MARK1: variants seen among roughly 807,000 people sequenced by gnomAD.
MARK1 encodes serine/threonine-protein kinase MARK1.
Under a neutral mutation model 96.3 loss-of-function variants are expected in MARK1, and 40 were observed. That is an observed-to-expected ratio of 0.42 (90% CI 0.32 to 0.54). The LOEUF (loss-of-function observed/expected upper bound fraction) is 0.54, where lower values mean the gene tolerates loss of function less well. MARK1 is among the 20% of genes least tolerant of loss of function. The pLI is 0.16. For synonymous variants in MARK1, 317 were observed against 341.2 expected (o/e 0.93, Z 0.78); for missense variants, 719 against 984.6 (o/e 0.73, Z 3.61).
chr1:220,556,386 A>G (rs1662246686), intron 1 of MARK1, among the ~76,000 whole-genome samples: 1 of 150,634 alleles, frequency 6.6e-6, no homozygotes. Context: ...AAACTATGAA[A>G]TTAACTTGAA....
At chr1:220,567,286 G>A (rs545281188) in intron 1 of MARK1, among the ~76,000 whole-genome samples, 4 of 152,286 alleles carry the variant, frequency 2.6e-5, no homozygotes, top group African/African-American at 7.2e-5. Flanking sequence ...TTTTATTGCA[G>A]TGAATGTCTG....
intron 3 of MARK1, among the ~76,000 whole-genome samples, chr1:220,595,831 G>A (rs574109765): frequency 6.6e-6 from 1 of 152,160 alleles, no homozygotes; most frequent in African/African-American, 2.4e-5. Flanking sequence ...AATATGGATG[G>A]GTAGACGTTG....
At chr1:220,586,128 G>A (rs1173924623) in intron 3 of MARK1, among the ~76,000 whole-genome samples, 6 of 152,260 alleles carry the variant, frequency 3.9e-5, no homozygotes, top group South Asian at 4.1e-4. Flanking sequence ...TTCAGATGGC[G>A]TTTTATTGTT....
chr1:220,546,769 TC>T (rs1246521351), intron 1 of MARK1, among the ~76,000 whole-genome samples: 3 of 152,076 alleles, frequency 2.0e-5, no homozygotes, highest in Non-Finnish European at 4.4e-5. Flanking sequence ...GTTCAGGAGT[TC>T]CAGACCAGCC....
At chr1:220,655,732 G>A (rs1558328626) in intron 16 of MARK1, among the ~76,000 whole-genome samples, 1 of 152,068 alleles carries the variant, frequency 6.6e-6, no homozygotes, top group Non-Finnish European at 1.5e-5. Flanking sequence ...TTCTGTTTCA[G>A]CAGTGTCATG....
intron 13 of MARK1, among the ~76,000 whole-genome samples, chr1:220,646,082 T>C (rs1209647389): frequency 6.6e-6 from 1 of 152,046 alleles, no homozygotes; most frequent in Non-Finnish European, 1.5e-5. Flanking sequence ...GAGAAGGAAA[T>C]AAAGGGCATT....
intron 9 of MARK1, chr1:220,625,745 G>A (rs1043055681): frequency 1.6e-5 from 7 of 441,262 alleles, no homozygotes; most frequent in African/African-American, 8.1e-5. Context: ...GCAAGATGAC[G>A]CAGACACAGG....
intron 13 of MARK1, 41 bp downstream of exon 13, chr1:220,636,067 C>G: frequency 1.5e-6 from 2 of 1,371,224 alleles, no homozygotes; most frequent in Middle Eastern, 3.8e-4. Context: ...ATTGTAATAA[C>G]TTGTTTTAGG....
At chr1:220,576,140 G>A (rs1663830409) in intron 1 of MARK1, among the ~76,000 whole-genome samples, 1 of 148,910 alleles carries the variant, frequency 6.7e-6, no homozygotes. Flanking sequence ...CGATAGCATT[G>A]TGTATCTACT....
chr1:220,555,473 G>T (rs1300465748), intron 1 of MARK1, among the ~76,000 whole-genome samples: 1 of 152,068 alleles, frequency 6.6e-6, no homozygotes, highest in Non-Finnish European at 1.5e-5. Flanking sequence ...TGGTCTAAGT[G>T]GTAAAGGTAA....
chr1:220,606,477 C>T (rs1287315476), intron 6 of MARK1, among the ~76,000 whole-genome samples: 2 of 152,160 alleles, frequency 1.3e-5, no homozygotes, highest in African/African-American at 4.8e-5. Context: ...TGTAGGTTGC[C>T]TGTTCACTCT....
At chr1:220,615,885 G>T (rs1439781511) in intron 6 of MARK1, 54 bp from the exon 7 acceptor site, 2 of 910,380 alleles carry the variant, frequency 2.2e-6, no homozygotes, top group Non-Finnish European at 3.5e-6. Flanking sequence ...TGATTATTGG[G>T]GAAAATTGCG....
chr1:220,572,843 C>G (rs1054998226), intron 1 of MARK1, among the ~76,000 whole-genome samples: 1 of 152,110 alleles, frequency 6.6e-6, no homozygotes, highest in Non-Finnish European at 1.5e-5. Flanking sequence ...TGTCTGTTGG[C>G]AACAAATTCT....
chr1:220,550,333 G>C (rs1661775992), intron 1 of MARK1, among the ~76,000 whole-genome samples: 1 of 152,252 alleles, frequency 6.6e-6, no homozygotes, highest in Non-Finnish European at 1.5e-5. Flanking sequence ...AGTTTGATGA[G>C]CTAGAAGCAG....
At chr1:220,611,039 A>C (rs945737919) in intron 6 of MARK1, among the ~76,000 whole-genome samples, 13 of 152,172 alleles carry the variant, frequency 8.5e-5, no homozygotes, top group African/African-American at 2.9e-4. Context: ...TCACGGACCC[A>C]CTTGAGGAGG....
chr1:220,591,967 C>T (rs1413050438), intron 3 of MARK1, among the ~76,000 whole-genome samples: 1 of 151,942 alleles, frequency 6.6e-6, no homozygotes, highest in Non-Finnish European at 1.5e-5. Flanking sequence ...AGCTGGACAG[C>T]AGTCTAGCAG....
Position 220,528,530 on chromosome 1 carries a change from C to A in MARK1, c.-293C>A. 2.3e-6 allele frequency: 1 copy of A among 439,480 alleles called. No homozygotes were observed. The allele number at this position is 439,480 out of a possible 1,614,324, so 27.2% of individuals were successfully genotyped here. On this transcript the variant is annotated 5_prime_UTR_variant, in exon 1 of 18. In the 5' UTR this introduces an upstream ATG that the reference lacks. Transcript: ENST00000366917. ...CCCGGCTCCCCTTCCACGCCTCATC[C>A]TGCCAGCCTCGCCGCCCCGCCAGCG... is the stretch of plus-strand genomic sequence containing the variant.
At chr1:220,531,143 A>G (rs1432718631) in intron 1 of MARK1, among the ~76,000 whole-genome samples, 3 of 152,324 alleles carry the variant, frequency 2.0e-5, no homozygotes, top group South Asian at 2.1e-4. Flanking sequence ...CGAAATCACC[A>G]TTGGTGACTC....
intron 1 of MARK1, among the ~76,000 whole-genome samples, chr1:220,550,908 A>G (rs1661811448): frequency 6.6e-6 from 1 of 152,212 alleles, no homozygotes; most frequent in South Asian, 2.1e-4. Context: ...TTACTAAGGG[A>G]TTATACTTAC....
Sources: gnomAD v4.1 joint callset for allele counts (sites outside exome capture counted in the v4.1 genomes callset) on GRCh38, gnomAD v4.1.1 for gene constraint, MANE v1.5 for transcripts, NCBI Gene and HGNC (gene_info 2026-07-23, HGNC 2026-07-21) for gene names.